The following ACOT1 variants were observed in gnomAD, a reference collection of about 807,000 sequenced individuals.
ACOT1 encodes acyl-coenzyme A thioesterase 1.
Under a neutral mutation model 15.7 loss-of-function variants are expected in ACOT1, and 8 were observed. The observed-to-expected ratio is 0.51, with a 90% CI of 0.30 to 0.92. The LOEUF (loss-of-function observed/expected upper bound fraction) is 0.92, where lower values mean the gene tolerates loss of function less well. Among genes scored for constraint, ACOT1 ranks in the 40% least tolerant of loss-of-function variants. ACOT1 has a pLI of 0.06. For missense variants in ACOT1, 151 were observed against 539.4 expected, an observed-to-expected ratio of 0.28 and a Z score of 7.13; for synonymous variants, 67 against 241.2, an observed-to-expected ratio of 0.28 and a Z score of 6.69.
At chr14:73,511,947 G>C in the ACOT1 span, 1 of 1,606,906 alleles carries the variant, frequency 6.2e-7, no homozygotes, top group Non-Finnish European at 8.5e-7. Flanking sequence ...TACCAGTTCA[G>C]ATGTTCCATG....
At chr14:73,526,716 G>T in the ACOT1 span, among the ~76,000 whole-genome samples, 1 of 152,228 alleles carries the variant, frequency 6.6e-6, no homozygotes, top group East Asian at 1.9e-4. Flanking sequence ...GCTCTGATGG[G>T]TCAGATTTAT....
At chr14:73,505,904 T>C in the ACOT1 span, among the ~76,000 whole-genome samples, 1 of 149,932 alleles carries the variant, frequency 6.7e-6, no homozygotes, top group African/African-American at 2.5e-5. Context: ...TTTTTTTTTT[T>C]TTTTGAGATG....
At chr14:73,501,948 T>C in the ACOT1 span, among the ~76,000 whole-genome samples, 1 of 151,880 alleles carries the variant, frequency 6.6e-6, no homozygotes, top group South Asian at 2.1e-4. Context: ...GGTTTCACCA[T>C]GTTAGTCAGG....
At chr14:73,508,095 C>A in the ACOT1 span, 1 of 1,594,160 alleles carries the variant, frequency 6.3e-7, no homozygotes, top group South Asian at 1.1e-5. Flanking sequence ...GACCTAATTG[C>A]TCCCCAAAAC....
Position 73,537,353 on chromosome 14 carries a change from A to T in ACOT1, c.-69A>T. The T allele has an allele frequency of 8.5e-7, 1 of 1,171,932 alleles. No homozygotes were observed. 72.6% of individuals were successfully genotyped at this position (1,171,932 alleles called of 1,614,324 possible). On this transcript the variant is annotated 5_prime_UTR_variant, in exon 1 of 3. Transcript: ENST00000311148. ...CCTGCGACGGCAGCCCGAGAGGAAG[A>T]GTTGGGCAGAGTTGCAGGGGTCTCC... is the stretch of plus-strand genomic sequence containing the variant.
the ACOT1 span, chr14:73,499,065 T>C: frequency 6.2e-7 from 1 of 1,613,324 alleles, no homozygotes; most frequent in Non-Finnish European, 8.5e-7. Flanking sequence ...ACTACTTCTA[T>C]AATACCTCGA....
the ACOT1 span, chr14:73,508,272 A>T: frequency 6.2e-7 from 1 of 1,614,022 alleles, no homozygotes; most frequent in Non-Finnish European, 8.5e-7. Flanking sequence ...ACTGAGCTGC[A>T]GCCCAGCTAT....
chr14:73,506,376 A>T, the ACOT1 span: 2 of 824,500 alleles, frequency 2.4e-6, no homozygotes, highest in Non-Finnish European at 4.1e-6. Context: ...TTTGGTAAGA[A>T]TGGAATAATA....
the ACOT1 span, among the ~76,000 whole-genome samples, chr14:73,515,467 G>A: frequency 2.0e-5 from 3 of 151,834 alleles, no homozygotes; most frequent in Non-Finnish European, 4.4e-5. Flanking sequence ...ATCACTTGAG[G>A]TCACAAGTTC....
the ACOT1 span, chr14:73,493,026 A>G: frequency 1.3e-6 from 2 of 1,550,098 alleles, no homozygotes; most frequent in Non-Finnish European, 1.7e-6. Flanking sequence ...CCTTAAACTC[A>G]CGTTCTTACC....
At chr14:73,513,973 C>T in the ACOT1 span, 1 of 1,537,966 alleles carries the variant, frequency 6.5e-7, no homozygotes, top group Non-Finnish European at 9.0e-7. Context: ...AAAGCCTAGT[C>T]CCAGATGAGA....
chr14:73,496,559 G>T, the ACOT1 span: 3 of 1,240,402 alleles, frequency 2.4e-6, no homozygotes, highest in Non-Finnish European at 3.6e-6. Context: ...ACTCTTGAGA[G>T]TCCTGAATTT....
At chr14:73,492,433 G>T in the ACOT1 span, 1 of 1,613,692 alleles carries the variant, frequency 6.2e-7, no homozygotes, top group Non-Finnish European at 8.5e-7. This position sits in a 1 kb window ranked among gnomAD's most constrained non-coding sequence, Gnocchi z 4.9. Flanking sequence ...CTAAGGATCC[G>T]CGAAGAACCG....
the ACOT1 span, chr14:73,500,808 T>A: frequency 7.2e-7 from 1 of 1,388,576 alleles, no homozygotes; most frequent in Non-Finnish European, 1.0e-6. Context: ...AATGCCCTCA[T>A]GATAAAATCC....
the ACOT1 span, chr14:73,508,149 A>G: frequency 1.2e-6 from 2 of 1,614,092 alleles, no homozygotes; most frequent in South Asian, 2.2e-5. Context: ...TCTCACTCAG[A>G]TAGCTCAGGA....
chr14:73,495,988 G>A, the ACOT1 span, among the ~76,000 whole-genome samples: 1 of 152,090 alleles, frequency 6.6e-6, no homozygotes, highest in African/African-American at 2.4e-5. Context: ...AAATTAGTTG[G>A]GTGTGGTGGC....
At chr14:73,501,220 G>A in the ACOT1 span, among the ~76,000 whole-genome samples, 632 of 152,156 alleles carry the variant, frequency 4.2e-3, 5 homozygotes, top group African/African-American at 0.014. Context: ...CTGGGTTCAC[G>A]CCATTCTCCT....
chr14:73,521,835 T>C, the ACOT1 span, among the ~76,000 whole-genome samples: 1 of 152,206 alleles, frequency 6.6e-6, no homozygotes, highest in Non-Finnish European at 1.5e-5. Context: ...GATACATTTC[T>C]GGGAGCACCT....
the ACOT1 span, among the ~76,000 whole-genome samples, chr14:73,505,993 C>T: frequency 2.7e-5 from 4 of 148,332 alleles, no homozygotes; most frequent in South Asian, 4.2e-4. Flanking sequence ...TGGGTTCAAG[C>T]GATTCTCCTG....
Sources: gnomAD v4.1 joint callset for allele counts (sites outside exome capture counted in the v4.1 genomes callset) on GRCh38, gnomAD v4.1.1 for gene constraint, Gnocchi (gnomAD v3.1) non-coding constraint, MANE v1.5 for transcripts, NCBI Gene and HGNC (gene_info 2026-07-23, HGNC 2026-07-21) for gene names.